Variants in IFI16 observed in about 807,000 individuals in gnomAD.
IFI16 encodes interferon gamma inducible protein 16, also known as gamma-interferon-inducible protein 16.
Under a neutral mutation model 68.4 loss-of-function variants are expected in IFI16, and 49 were observed. The ratio of observed to expected loss-of-function variants is 0.72; its 90% CI spans 0.57 to 0.91. The LOEUF is 0.91. Among genes scored for constraint, IFI16 ranks in the 40% least tolerant of loss-of-function variants. The pLI, the probability that IFI16 is intolerant of heterozygous loss-of-function variation, is 0.00. For synonymous variants in IFI16, 307 were observed against 315.0 expected (o/e 0.97, Z 0.27); for missense variants, 878 against 942.9 (o/e 0.93, Z 0.90).
intron 6 of IFI16, among the ~76,000 whole-genome samples, chr1:159,023,758 G>A (rs2101842467): frequency 6.6e-6 from 1 of 152,248 alleles, no homozygotes; most frequent in East Asian, 1.9e-4. Flanking sequence ...CATTTGCTTG[G>A]GGATGGCTAA....
At chr1:159,052,321 C>G (rs1192355789) in intron 10 of IFI16, 2 of 538,284 alleles carry the variant, frequency 3.7e-6, no homozygotes, top group Non-Finnish European at 6.7e-6. Context: ...GTTATTTAGA[C>G]AGTCACTAGG....
intron 1 of IFI16, 120 bp from the exon 2 acceptor site, chr1:159,014,541 T>C: frequency 3.3e-6 from 2 of 603,356 alleles, no homozygotes; most frequent in Non-Finnish European, 5.5e-6. Context: ...CGTTGAGTCC[T>C]TCTTTATCAC....
chr1:159,020,871 G>GTC (rs397779766), intron 6 of IFI16, among the ~76,000 whole-genome samples: 1 of 149,086 alleles, frequency 6.7e-6, no homozygotes, highest in Admixed American at 6.6e-5. Flanking sequence ...GTGTGTGTGT[G>GTC]ATACTTTCTA....
upstream of IFI16, among the ~76,000 whole-genome samples, chr1:159,006,603 G>C (rs996540541): frequency 2.0e-5 from 3 of 151,978 alleles, no homozygotes; most frequent in Non-Finnish European, 2.9e-5. Flanking sequence ...TAAATTAAGG[G>C]GTCAATTGGA....
chr1:159,054,037 C>T (rs183222249), intron 11 of IFI16, among the ~76,000 whole-genome samples: 11 of 152,282 alleles, frequency 7.2e-5, no homozygotes, highest in African/African-American at 2.6e-4. Flanking sequence ...TTTCAACTAG[C>T]TGGTTCTGTG....
At chr1:159,016,343 AT>A (rs1652922584) in intron 3 of IFI16, among the ~76,000 whole-genome samples, 189 bp from the exon 4 acceptor site, 1 of 152,216 alleles carries the variant, frequency 6.6e-6, no homozygotes, top group African/African-American at 2.4e-5. Flanking sequence ...TGTGTATAAC[AT>A]TCTCCTCTTT....
Position 159,053,535 on chromosome 1 carries a change from A to G in IFI16, c.2088A>G (p.Lys696=). The G allele has an allele frequency of 6.3e-7, 1 of 1,586,850 alleles. No individual in the cohort carries two copies. Among genetic ancestry groups the G allele is most frequent in the Non-Finnish European group, 8.6e-7 (1 of 1,160,338 alleles). Reference sequence around the variant, plus strand: ...TAAGTGTTAATTTTCTTTTGCAGAAAAATGTAAGGGGTGAATTCACTTATT... The same window carrying G: ...TAAGTGTTAATTTTCTTTTGCAGAAGAATGTAAGGGGTGAATTCACTTATT... ...FVNGVFEVHK[K]NVRGEFTYYE... Residue 696 remains lysine, a splice_region_variant and synonymous_variant, in exon 11 of 12, where the codon AAA becomes AAG. Coordinates refer to ENST00000295809, the MANE Select transcript of IFI16 (RefSeq NM_001376587.1).
intron 1 of IFI16, among the ~76,000 whole-genome samples, chr1:159,011,793 C>T (rs547203903): frequency 6.6e-6 from 1 of 152,136 alleles, no homozygotes; most frequent in South Asian, 2.1e-4. Flanking sequence ...CTTTTGTTAA[C>T]AATATATATG....
At chr1:159,015,001 C>A in intron 2 of IFI16, 56 bp downstream of exon 2, 1 of 1,466,480 alleles carries the variant, frequency 6.8e-7, no homozygotes, top group Non-Finnish European at 9.2e-7. Context: ...CCCTCCCCAA[C>A]ATTGATTAGA....
At chr1:159,037,739 T>C (rs1241597916) in intron 7 of IFI16, among the ~76,000 whole-genome samples, 1 of 152,208 alleles carries the variant, frequency 6.6e-6, no homozygotes, top group African/African-American at 2.4e-5. Context: ...GCTATTAGGC[T>C]GCCACATTGT....
intron 7 of IFI16, among the ~76,000 whole-genome samples, chr1:159,033,752 C>T (rs554981195): frequency 9.4e-4 from 143 of 152,122 alleles, no homozygotes; most frequent in Non-Finnish European, 1.8e-3. Context: ...TTATTAGTCA[C>T]GTAACAGTTA....
At chr1:159,050,965 T>A (rs929151668) in intron 9 of IFI16, among the ~76,000 whole-genome samples, 3 of 152,220 alleles carry the variant, frequency 2.0e-5, no homozygotes, top group African/African-American at 7.2e-5. Context: ...TCTACTAGAA[T>A]GAGTTCCAAC....
At chr1:159,048,924 C>G (rs7548941) in intron 8 of IFI16, among the ~76,000 whole-genome samples, 13,191 of 151,438 alleles carry the variant, frequency 0.087, 2,054 homozygotes, top group African/African-American at 0.3. Context: ...ATCATAGAAC[C>G]TTCCCTGAGG....
chr1:159,014,650 T>C lies in IFI16; in HGVS notation c.-20-11T>C. The stretch of plus-strand genomic sequence containing the variant: ...CATGTGTAACACTGTATATACCATT[T>C]TCTCTTGTAGGCTCACTTATGTCTG... On this transcript the variant is annotated splice_polypyrimidine_tract_variant and intron_variant, in intron 1 of 11. Transcript: ENST00000295809. 1 of 1,549,316 alleles carries C rather than the reference T, an allele frequency of 6.5e-7. No homozygotes were observed.
rs964892537 is a variant in IFI16 at position 159,011,513 on chromosome 1, A to G, written c.-21+1352A>G. Among the ~76,000 whole-genome samples, 4 of 152,038 alleles carry G rather than the reference A, an allele frequency of 2.6e-5. No individual in the cohort carries two copies. The East Asian group carries it at 7.7e-4, about 29-fold the overall frequency. Reference sequence around the variant, plus strand: ...TGTATACAAACAGGTACACACATATATGTGTGTAGTGATGTCTGTACATGT... The same window carrying G: ...TGTATACAAACAGGTACACACATATGTGTGTGTAGTGATGTCTGTACATGT... On this transcript the variant is annotated intron_variant, in intron 1 of 11. Coordinates refer to ENST00000295809, the MANE Select transcript of IFI16 (RefSeq NM_001376587.1).
At position 159,049,580 on chromosome 1, in the gene IFI16, G is replaced by A. The variant is rs574683364; in HGVS notation, c.1646G>A (p.Ser549Asn). The A allele has an allele frequency of 6.2e-7, 1 of 1,601,782 alleles. No individual in the cohort carries two copies. The highest frequency in any genetic ancestry group is 2.2e-5 in the East Asian group (1 of 44,834). ...CCTCAGATGCCTCCATCAACACCAAGCAGCAGTTTCTTAACCACGGTACAA... is the reference window on the plus strand; with the variant it reads ...CCTCAGATGCCTCCATCAACACCAAACAGCAGTTTCTTAACCACGGTACAA... ...HTPQMPPSTP[S>N]SSFLTTLKPR... is the part of the protein sequence containing the mutation. The change falls in exon 9 of 12, where the codon AGC becomes AAC. Residue 549 changes from serine to asparagine, a missense_variant. By Grantham distance (46) the Ser-to-Asn change is conservative. Around this residue, in one of 4 missense-constraint regions of IFI16, gnomAD observed 311 missense variants for 305.1 expected, o/e 1.02. Coordinates refer to ENST00000295809, the MANE Select transcript of IFI16 (RefSeq NM_001376587.1).
At chr1:159,026,378 A>C (rs1041530543) in intron 6 of IFI16, among the ~76,000 whole-genome samples, 17 of 150,326 alleles carry the variant, frequency 1.1e-4, no homozygotes, top group African/African-American at 4.2e-4. Context: ...GGCTCACTGC[A>C]ACCTCTGTCT....
At chr1:159,050,814 G>C (rs1441556626) in intron 9 of IFI16, among the ~76,000 whole-genome samples, 1 of 152,116 alleles carries the variant, frequency 6.6e-6, no homozygotes, top group Non-Finnish European at 1.5e-5. Context: ...CCATTATTCA[G>C]ATTGGAGAGC....
chr1:159,042,525 G>T (rs1379300076), intron 7 of IFI16, among the ~76,000 whole-genome samples: 1 of 152,034 alleles, frequency 6.6e-6, no homozygotes, highest in Non-Finnish European at 1.5e-5. Flanking sequence ...TACTTCTTTT[G>T]ATGTCAATTT....
Sources: allele counts gnomAD v4.1 joint callset (sites outside exome capture counted in the v4.1 genomes callset), GRCh38; gene constraint gnomAD v4.1.1; regional missense constraint gnomAD v4.1.1; transcripts MANE v1.5; gene names NCBI Gene and HGNC (gene_info 2026-07-23, HGNC 2026-07-21).